The following RHOBTB1 variants were observed in gnomAD, a reference collection of about 807,000 sequenced individuals.
RHOBTB1 encodes rho-related BTB domain-containing protein 1.
Under a neutral mutation model 71.6 loss-of-function variants are expected in RHOBTB1, and 40 were observed. The ratio of observed to expected loss-of-function variants is 0.56; its 90% CI spans 0.43 to 0.73. The LOEUF (loss-of-function observed/expected upper bound fraction) is 0.73. Among genes scored for constraint, RHOBTB1 ranks in the 30% least tolerant of loss-of-function variants. RHOBTB1 has a pLI of 0.00. For synonymous variants in RHOBTB1, 319 were observed against 334.9 expected (o/e 0.95, Z 0.52); for missense variants, 797 against 894.0 (o/e 0.89, Z 1.38).
Position 60,994,628 on chromosome 10 carries a change from G to GA in RHOBTB1, c.-163+6770dup, listed in dbSNP as rs575608942. Among the ~76,000 whole-genome samples, 738 of 151,368 alleles carry GA rather than the reference G, an allele frequency of 4.9e-3. 2 individuals are homozygous for GA. The highest frequency in any genetic ancestry group is 8.1e-3 in the Non-Finnish European group (546 of 67,750). On this transcript the variant is annotated intron_variant, in intron 1 of 11. Coordinates refer to the RHOBTB1 transcript ENST00000357917. ...TAATGTGAGGGAAAGATATCCTCAG[G>GA]AAAAAAAATGCAATGCATTTTATTA...
Position 60,877,952 on chromosome 10 carries a change from G to A in RHOBTB1, c.1682C>T (p.Ala561Val). The change falls in exon 8 of 11, where the codon GCC (alanine) becomes GTC (valine). Residue 561 changes from alanine to valine, a missense_variant. Transcript: ENST00000337910. The part of the protein sequence containing the change: ...NLDLDPLELI[A>V]LANRFCLPHL... ...TGGCAGGCAAAATCTGTTTGCCAAG[G>A]CAATTAATTCCAGCGGGTCCAGATC... 6.2e-7 allele frequency: 1 copy of A among 1,614,000 alleles called. No individual in the cohort carries two copies. The highest frequency in any genetic ancestry group is 8.5e-7 in the Non-Finnish European group (1 of 1,179,934).
Position 60,888,778 on chromosome 10 carries a change from A to G in RHOBTB1, c.890T>C (p.Leu297Ser). The change falls in exon 6 of 11, where the codon TTA (leucine) becomes TCA (serine). Residue 297 changes from leucine to serine, a missense_variant. Leu to Ser is a moderately radical substitution (Grantham distance 145, BLOSUM62 -2). This residue lies in a region of RHOBTB1 where 658 missense variants were observed against 681.5 expected (regional missense o/e 0.97). Transcript: ENST00000337910. Reference sequence around the variant, plus strand: ...ATTTGGGGATTCTTCACATTCCATTAAAAACAGATCATAAAATTTGGAAGA... The same window carrying G: ...ATTTGGGGATTCTTCACATTCCATTGAAAACAGATCATAAAATTTGGAAGA... ...TSSSKFYDLF[L>S]MECEESPNGS... The G allele has an allele frequency of 4.3e-6, 7 of 1,614,214 alleles. No individual in the cohort carries two copies. Among genetic ancestry groups the G allele is most frequent in the Non-Finnish European group, 5.1e-6 (6 of 1,180,022 alleles).
intron 2 of RHOBTB1, among the ~76,000 whole-genome samples, chr10:60,955,262 T>C (rs2085551513): frequency 1.3e-5 from 2 of 151,906 alleles, no homozygotes; most frequent in Non-Finnish European, 2.9e-5. Flanking sequence ...AGGCTGGTCT[T>C]GAACTCCTGA....
At chr10:60,880,202 T>TGTGTGTGA (rs1418979791) in intron 7 of RHOBTB1, among the ~76,000 whole-genome samples, 1 of 126,932 alleles carries the variant, frequency 7.9e-6, no homozygotes, top group East Asian at 2.3e-4. Context: ...TGTGTGTGTG[T>TGTGTGTGA]GAGAGAGAGA....
intron 2 of RHOBTB1, among the ~76,000 whole-genome samples, chr10:60,967,500 A>G (rs2086011715): frequency 6.6e-6 from 1 of 151,996 alleles, no homozygotes; most frequent in African/African-American, 2.4e-5. Context: ...GTTCCCTCAA[A>G]AAACAGACCG....
rs113720399 is a variant in RHOBTB1, at chr10:60,908,532, T to A, written c.296+2355A>T. Among the ~76,000 whole-genome samples the A allele has an allele frequency of 8.1e-3, 1,227 of 152,274 alleles. 13 individuals are homozygous for A. The highest frequency in any genetic ancestry group is 0.028 in the African/African-American group (1,173 of 41,538). On this transcript the variant is annotated intron_variant, in intron 4 of 10. Transcript: ENST00000337910. ...GGTTTGTAAAAGCTATAATTATGAT[T>A]CCTCTCCTTCACAAATGATATAAAG...
chr10:60,991,807 G>A (rs1019264756), intron 1 of RHOBTB1, among the ~76,000 whole-genome samples: 3 of 152,070 alleles, frequency 2.0e-5, no homozygotes, highest in African/African-American at 7.2e-5. Flanking sequence ...CTGTGTGTAT[G>A]CCCGGTCTAG....
Position 60,966,475 on chromosome 10 carries a change from G to C in RHOBTB1, c.-62+19370C>G, listed in dbSNP as rs529104759. Among the ~76,000 whole-genome samples, 638 of 151,364 alleles carry C rather than the reference G, an allele frequency of 4.2e-3. 1 individual carries two copies. Among genetic ancestry groups the C allele is most frequent in the Non-Finnish European group, 7.1e-3 (480 of 67,812 alleles). On this transcript the variant is annotated intron_variant, in intron 2 of 11. Transcript: ENST00000357917. ...ACTTGAGACCAGGAGTTTGAGATCA[G>C]CTTGGGCAACATAGCCAGACCCTAT...
intron 2 of RHOBTB1, among the ~76,000 whole-genome samples, chr10:60,966,127 T>A (rs763441931): frequency 3.9e-5 from 6 of 152,116 alleles, no homozygotes; most frequent in East Asian, 1.9e-4. Flanking sequence ...TTGAAAGGAA[T>A]AATGTCTTGA....
chr10:60,948,992 A>G (rs937681318), upstream of RHOBTB1, among the ~76,000 whole-genome samples: 1 of 152,230 alleles, frequency 6.6e-6, no homozygotes, highest in Non-Finnish European at 1.5e-5. Flanking sequence ...GCTTCTAGCA[A>G]TGAGGTCAGT....
intron 2 of RHOBTB1, among the ~76,000 whole-genome samples, chr10:60,924,652 C>T (rs963770975): frequency 2.6e-5 from 4 of 152,156 alleles, no homozygotes; most frequent in African/African-American, 9.7e-5. Context: ...ATGGACCTAA[C>T]AGACATTTAC....
chr10:60,885,250 C>T (rs1334796022), intron 7 of RHOBTB1, among the ~76,000 whole-genome samples: 1 of 152,132 alleles, frequency 6.6e-6, no homozygotes, highest in Non-Finnish European at 1.5e-5. Flanking sequence ...GATCATTCCA[C>T]AGTATATGTA....
At chr10:60,989,142 C>G (rs1035561523) in intron 1 of RHOBTB1, among the ~76,000 whole-genome samples, 1 of 152,006 alleles carries the variant, frequency 6.6e-6, no homozygotes, top group East Asian at 1.9e-4. Flanking sequence ...TAAGTGACAA[C>G]AGCAAGACTG....
intron 1 of RHOBTB1, among the ~76,000 whole-genome samples, chr10:60,990,185 A>G (rs149747234): frequency 0.047 from 7,096 of 151,806 alleles, 571 homozygotes; most frequent in African/African-American, 0.16. Context: ...GGGTTTCACC[A>G]TGTTAGCCAG....
At chr10:60,957,951 C>T (rs2085650876) in intron 2 of RHOBTB1, among the ~76,000 whole-genome samples, 1 of 152,122 alleles carries the variant, frequency 6.6e-6, no homozygotes, top group African/African-American at 2.4e-5. Flanking sequence ...AATTCACAAC[C>T]ATAATACAAT....
At chr10:60,921,938 A>G (rs2083587585) in intron 2 of RHOBTB1, among the ~76,000 whole-genome samples, 1 of 152,216 alleles carries the variant, frequency 6.6e-6, no homozygotes, top group South Asian at 2.1e-4. Context: ...ACCAAAGGCC[A>G]CACCCTTTCA....
At chr10:60,954,084 T>C (rs2085504893) in intron 2 of RHOBTB1, among the ~76,000 whole-genome samples, 1 of 152,188 alleles carries the variant, frequency 6.6e-6, no homozygotes, top group Admixed American at 6.5e-5. Context: ...TTGTGTGTAG[T>C]TTTATTTATT....
At chr10:60,885,994 A>C in intron 7 of RHOBTB1, 118 bp downstream of exon 7, 2 of 745,206 alleles carry the variant, frequency 2.7e-6, no homozygotes, top group Non-Finnish European at 4.8e-6. Flanking sequence ...CAGTATGATG[A>C]CCACTCATGG....
At chr10:60,965,438 A>T (rs2085924199) in intron 2 of RHOBTB1, among the ~76,000 whole-genome samples, 1 of 152,078 alleles carries the variant, frequency 6.6e-6, no homozygotes, top group Non-Finnish European at 1.5e-5. Flanking sequence ...CATGTAGTAG[A>T]TTTAAACTCA....
Sources: gnomAD v4.1 joint callset for allele counts (sites outside exome capture counted in the v4.1 genomes callset) on GRCh38, gnomAD v4.1.1 for gene constraint, gnomAD v4.1.1 regional missense constraint, MANE v1.5 for transcripts, NCBI Gene and HGNC (gene_info 2026-07-23, HGNC 2026-07-21) for gene names.